Variants in PPIE observed in about 807,000 individuals in gnomAD.
PPIE encodes the protein peptidyl-prolyl cis-trans isomerase E.
PPIE carries 20 observed loss-of-function variants against 38.4 expected under a neutral mutation model. That is an observed-to-expected ratio of 0.52 (90% CI 0.37 to 0.76). The LOEUF (loss-of-function observed/expected upper bound fraction) is 0.76. PPIE is among the 30% of genes least tolerant of loss of function. The pLI is 0.00. For synonymous variants in PPIE, 142 were observed against 135.7 expected (o/e 1.05, Z -0.32); for missense variants, 322 against 385.8 (o/e 0.83, Z 1.39).
chr1:39,745,397 C>A lies in PPIE; in HGVS notation c.407C>A (p.Ala136Asp). 6.2e-7 allele frequency: 1 copy of A among 1,614,234 alleles called. No individual in the cohort carries two copies. ...TQEGEPIAKK[A>D]RSNPQVYMDI... ...TAGGGAGAGCCCATTGCTAAAAAGG[C>A]CCGCTCAAATCCTCAGGTGTACATG... Residue 136 changes from alanine to aspartate, a missense_variant, in exon 7 of 10, where the codon GCC (alanine) becomes GAC (aspartate). Transcript: ENST00000324379.
chr1:39,759,427 A>G (rs913256063), downstream of PPIE: 1 of 152,226 alleles, frequency 6.6e-6, no homozygotes, highest in African/African-American at 2.4e-5. Flanking sequence ...GAAGATGGCA[A>G]CCAGGTTTCA....
At chr1:39,758,094 G>A (rs1296385726), downstream of PPIE, 2 of 152,134 alleles carry the variant, frequency 1.3e-5, no homozygotes, top group East Asian at 3.8e-4. Context: ...ATCATTGGCT[G>A]GGCACTAAAG....
chr1:39,748,695 AT>A (rs1356355451), intron 7 of PPIE: 1 of 539,924 alleles, frequency 1.9e-6, no homozygotes, highest in Non-Finnish European at 3.3e-6. Context: ...AGATTGTGCC[AT>A]TGCACTGCAG....
Position 39,743,225 on chromosome 1 carries a change from GA to G in PPIE, c.212del (p.Glu71GlyfsTer15), listed in dbSNP as rs1415812081. 3.1e-6 allele frequency: 5 copies of G among 1,614,002 alleles called. No homozygotes were observed. Among genetic ancestry groups the G allele is most frequent in the Non-Finnish European group, 4.2e-6 (5 of 1,179,970 alleles). On this transcript the variant is annotated frameshift_variant, in exon 5 of 10. Coordinates refer to ENST00000324379, the MANE Select transcript of PPIE (RefSeq NM_006112.4). LOFTEE classifies it high-confidence loss of function. The part of the protein sequence containing the change: ...AAAIDNMNES[E>X]LFGRTIRVNL... ...TTTTCAATCTTTTCAGAATGAATCT[GA>G]GCTTTTTGGACGTACAATTCGTGTC...
At chr1:39,748,188 T>G (rs1036324961) in intron 7 of PPIE, 1 of 152,240 alleles carries the variant, frequency 6.6e-6, no homozygotes, top group Non-Finnish European at 1.5e-5. Context: ...TGGGTTGCTT[T>G]GCCCTCTATT....
At chr1:39,739,648 C>G (rs933389052) in intron 1 of PPIE, among the ~76,000 whole-genome samples, 1 of 152,086 alleles carries the variant, frequency 6.6e-6, no homozygotes, top group African/African-American at 2.4e-5. Flanking sequence ...GAGTTAGCTA[C>G]GTAACCGAAG....
At chr1:39,748,331 C>T (rs1647340348) in intron 7 of PPIE, 1 of 152,226 alleles carries the variant, frequency 6.6e-6, no homozygotes, top group Non-Finnish European at 1.5e-5. Flanking sequence ...CCTATGTTTT[C>T]TTCTAAGATC....
At chr1:39,744,778 G>C (rs1263495370) in intron 6 of PPIE, among the ~76,000 whole-genome samples, 1 of 152,154 alleles carries the variant, frequency 6.6e-6, no homozygotes, top group Non-Finnish European at 1.5e-5. Context: ...AACTCATAAA[G>C]TGGCCATCAC....
downstream of PPIE, chr1:39,760,407 G>T: frequency 6.2e-7 from 1 of 1,613,380 alleles, no homozygotes; most frequent in Non-Finnish European, 8.5e-7. Context: ...CAGCTGGGCC[G>T]GGCGGGTGGA....
chr1:39,742,927 T>C, intron 4 of PPIE: 1 of 249,288 alleles, frequency 4.0e-6, no homozygotes, highest in Non-Finnish European at 7.7e-6. Flanking sequence ...TCTTGACTTT[T>C]GAAGGTGAAC....
chr1:39,750,615 C>T (rs76095106), intron 8 of PPIE, among the ~76,000 whole-genome samples: 4 of 152,182 alleles, frequency 2.6e-5, no homozygotes, highest in African/African-American at 9.6e-5. Context: ...TGGATTTTCA[C>T]ATTTGGGATG....
chr1:39,740,559 T>C (rs184962413), intron 2 of PPIE, among the ~76,000 whole-genome samples: 61 of 152,326 alleles, frequency 4.0e-4, no homozygotes, highest in African/African-American at 1.4e-3. Flanking sequence ...AATGTTGTTT[T>C]AATCTACCTG....
At chr1:39,739,300 GAAC>G (rs1486816828) in intron 1 of PPIE, 1 of 231,694 alleles carries the variant, frequency 4.3e-6, no homozygotes, top group African/African-American at 2.2e-5. Flanking sequence ...TCAGGTGCGT[GAAC>G]CCGAGACGGA....
chr1:39,759,778 G>A (rs1648691514), downstream of PPIE: 1 of 152,322 alleles, frequency 6.6e-6, no homozygotes, highest in Non-Finnish European at 1.5e-5. Context: ...AAAGCAGGAA[G>A]ACAAGGGAAG....
intron 7 of PPIE, chr1:39,746,071 C>T (rs1490293921): frequency 6.6e-6 from 1 of 152,222 alleles, no homozygotes; most frequent in Admixed American, 6.5e-5. Context: ...GTTTTTATTT[C>T]CATGTTGATA....
chr1:39,756,306 C>T lies in PPIE; in HGVS notation c.*2951C>T. 1 of 985,458 alleles carries T rather than the reference C, an allele frequency of 1.0e-6. No homozygotes were observed. The highest frequency in any genetic ancestry group is 1.7e-5 in the African/African-American group (1 of 57,370). The allele number at this position is 985,458 out of a possible 1,614,324, so 61.0% of individuals were successfully genotyped here. ...AACTGGCCTCCCCATTCCACATTCC[C>T]ATTGCTGGACCAGCACCAGGACTGG... On this transcript the variant is annotated 3_prime_UTR_variant, in exon 10 of 10. Coordinates refer to ENST00000324379, the MANE Select transcript of PPIE (RefSeq NM_006112.4).
At chr1:39,746,196 C>T (rs1037706390) in intron 7 of PPIE, 8 of 152,190 alleles carry the variant, frequency 5.3e-5, no homozygotes, top group African/African-American at 1.9e-4. Context: ...CCTCATCTTC[C>T]CTGTATAGGT....
At chr1:39,743,536 A>T (rs1352329167) in intron 5 of PPIE, among the ~76,000 whole-genome samples, 1 of 152,174 alleles carries the variant, frequency 6.6e-6, no homozygotes, top group Non-Finnish European at 1.5e-5. Flanking sequence ...GCCTGAGCTC[A>T]TCTTTCCCAG....
chr1:39,744,989 G>A lies in PPIE; in HGVS notation c.385-386G>A, dbSNP rs941620946. 3.3e-5 allele frequency among the ~76,000 whole-genome samples: 5 copies of A among 152,226 alleles called. No individual in the cohort carries two copies. In the East Asian group the frequency reaches 9.6e-4, roughly 29 times the overall value. The stretch of plus-strand genomic sequence containing the variant: ...GACGAGGTGGTACATGGATGGGTCT[G>A]CCTAACTAGAGGACAGTGGGTGGGC... On this transcript the variant is annotated intron_variant, in intron 6 of 9. Transcript: ENST00000324379.
Sources: allele counts gnomAD v4.1 joint callset (sites outside exome capture counted in the v4.1 genomes callset), GRCh38; gene constraint gnomAD v4.1.1; transcripts MANE v1.5; gene names NCBI Gene and HGNC (gene_info 2026-07-23, HGNC 2026-07-21).